The following DIAPH2 variants were observed in gnomAD, a reference collection of about 807,000 sequenced individuals.
The protein encoded by DIAPH2 is protein diaphanous homolog 2.
In DIAPH2, 35 loss-of-function variants were observed where a neutral mutation model predicts 92.7. The ratio of observed to expected loss-of-function variants is 0.38; its 90% confidence interval spans 0.29 to 0.50. The LOEUF (loss-of-function observed/expected upper bound fraction) is 0.50. Among genes scored for constraint, DIAPH2 ranks in the 20% least tolerant of loss-of-function variants. The pLI is 0.94. For missense variants in DIAPH2, 701 were observed against 819.5 expected, an observed-to-expected ratio of 0.86 and a Z score of 1.77; for synonymous variants, 301 against 280.4, an observed-to-expected ratio of 1.07 and a Z score of -0.73.
rs187573119 is a variant in DIAPH2 at position 97,119,893 on chromosome X, T to C, written c.2589+4928T>C. Among the ~76,000 whole-genome samples the C allele has an allele frequency of 1.9e-3, 212 of 111,829 alleles. 2 individuals are homozygous for C. The South Asian group carries it at 0.057, about 30-fold the overall frequency. On this transcript the variant is annotated intron_variant, in intron 21 of 26. Coordinates refer to ENST00000324765, the MANE Select transcript of DIAPH2 (RefSeq NM_006729.5). Reference sequence around the variant, plus strand: ...CAAAGGGCTGGCCCCACTCCCACCATGCCCCCACTAACAGCAACGAGTCTG... The same window carrying C: ...CAAAGGGCTGGCCCCACTCCCACCACGCCCCCACTAACAGCAACGAGTCTG...
intron 4 of DIAPH2, among the ~76,000 whole-genome samples, chrX:96,872,623 C>CTGGGATTACAGAT (rs1182300057): frequency 9.2e-6 from 1 of 108,242 alleles, no homozygotes; most frequent in Non-Finnish European, 1.9e-5. Context: ...TCCCGAGTAT[C>CTGGGATTACAGAT]TGGGATTACA....
At chrX:97,006,480 T>C (rs758118187) in intron 17 of DIAPH2, among the ~76,000 whole-genome samples, 1 of 112,372 alleles carries the variant, frequency 8.9e-6, no homozygotes, top group South Asian at 3.7e-4. Context: ...TGCATATATA[T>C]TTTGAATCGT....
chrX:96,957,807 C>G, intron 15 of DIAPH2, 21 bp from the exon 16 acceptor site: 1 of 1,098,400 alleles, frequency 9.1e-7, no homozygotes, highest in Non-Finnish European at 1.3e-6. Flanking sequence ...AGCATTTAAA[C>G]TTGGATTATT....
intron 22 of DIAPH2, among the ~76,000 whole-genome samples, chrX:97,162,511 C>G (rs1010251450): frequency 2.7e-5 from 3 of 110,809 alleles, no homozygotes; most frequent in African/African-American, 6.6e-5. Flanking sequence ...CATCCCCTCC[C>G]CCTCTCTTCT....
chrX:96,873,238 C>T (rs1017962466), intron 4 of DIAPH2, among the ~76,000 whole-genome samples: 3 of 111,399 alleles, frequency 2.7e-5, no homozygotes, highest in Admixed American at 1.9e-4. Flanking sequence ...TTTTGAGACA[C>T]GTCTACTGAG....
At chrX:97,143,420 TACA>T (rs1047372207) in intron 22 of DIAPH2, among the ~76,000 whole-genome samples, 25 of 110,458 alleles carry the variant, frequency 2.3e-4, no homozygotes, top group African/African-American at 8.2e-4. Flanking sequence ...AATCAATTTT[TACA>T]ACATTTTGGA....
intron 9 of DIAPH2, among the ~76,000 whole-genome samples, chrX:96,928,270 G>A (rs887341219): frequency 6.3e-5 from 7 of 110,879 alleles, no homozygotes; most frequent in African/African-American, 2.0e-4. Context: ...AGATTAGATG[G>A]TGAATTATGT....
At position 97,185,474 on chromosome X, in the gene DIAPH2, CATATATATATATATATAT is replaced by C. The variant is rs1180330581; in HGVS notation, c.2719+43709_2719+43726del. The stretch of plus-strand genomic sequence containing the variant: ...GTGTGTGTATATATATATATATACA[CATATATATATATATATAT>C]ATATATATATATATATATATATATA... On this transcript the variant is annotated intron_variant, in intron 22 of 26. Coordinates refer to ENST00000324765, the MANE Select transcript of DIAPH2 (RefSeq NM_006729.5). 6.0e-3 allele frequency among the ~76,000 whole-genome samples: 63 copies of C among 10,504 alleles called. 2 individuals carry two copies. The highest frequency in any genetic ancestry group is 8.7e-3 in the Non-Finnish European group (54 of 6,214). The allele number at this position is 10,504 out of a possible 115,157, so 9.1% of individuals were successfully genotyped here. A position where few individuals can be genotyped will look rare whatever the true frequency, so the allele number is the denominator to read the frequency against.
chrX:97,136,480 A>T (rs1255694008), intron 21 of DIAPH2, among the ~76,000 whole-genome samples: 1 of 111,747 alleles, frequency 8.9e-6, no homozygotes, highest in Non-Finnish European at 1.9e-5. Context: ...TAGAAATTTG[A>T]ATTTTATTAC....
chrX:97,365,325 CTT>C (rs771314691), intron 24 of DIAPH2, among the ~76,000 whole-genome samples: 7 of 111,923 alleles, frequency 6.3e-5, no homozygotes, highest in Non-Finnish European at 9.4e-5. Flanking sequence ...TGAGCTTAGT[CTT>C]AGCACTCTCT....
chrX:97,121,464 T>G (rs144583159), intron 21 of DIAPH2, among the ~76,000 whole-genome samples: 1,970 of 112,035 alleles, frequency 0.018, 14 homozygotes, highest in Middle Eastern at 0.028. Context: ...CTGCATTATA[T>G]CTCCAGTGTC....
At chrX:97,526,942 C>T (rs2071028462) in intron 26 of DIAPH2, among the ~76,000 whole-genome samples, 1 of 111,239 alleles carries the variant, frequency 9.0e-6, no homozygotes, top group African/African-American at 3.3e-5. Flanking sequence ...CAAAAGCACT[C>T]CTCATTCATT....
At chrX:96,925,095 C>T (rs2065571474) in intron 9 of DIAPH2, among the ~76,000 whole-genome samples, 1 of 110,933 alleles carries the variant, frequency 9.0e-6, no homozygotes, top group African/African-American at 3.3e-5. Context: ...TGGGCAATCG[C>T]ATCTATCCTC....
At chrX:97,075,000 G>C (rs1265624995) in intron 18 of DIAPH2, among the ~76,000 whole-genome samples, 167 bp from the exon 19 acceptor site, 1 of 111,560 alleles carries the variant, frequency 9.0e-6, no homozygotes, top group Admixed American at 9.5e-5. Context: ...TTGTCTAGAT[G>C]GATAGAGTGA....
At chrX:97,557,046 TATGCAAAGGGC>T (rs1487492524) in intron 26 of DIAPH2, among the ~76,000 whole-genome samples, 1 of 111,680 alleles carries the variant, frequency 9.0e-6, no homozygotes. Context: ...TAGTTGTGAG[TATGCAAAGGGC>T]ATTGCAGAGG....
chrX:97,445,802 G>A (rs914367531), intron 26 of DIAPH2, among the ~76,000 whole-genome samples: 1 of 110,162 alleles, frequency 9.1e-6, no homozygotes, highest in African/African-American at 3.3e-5. Context: ...CTACACATTA[G>A]TTGTGGGTAA....
chrX:96,829,984 C>T (rs1357006458), intron 4 of DIAPH2, among the ~76,000 whole-genome samples: 2 of 107,993 alleles, frequency 1.9e-5, no homozygotes, highest in African/African-American at 6.8e-5. Context: ...AACGGAAGTG[C>T]ACTGAAGGGG....
chrX:97,494,804 C>G (rs975620162), intron 26 of DIAPH2, among the ~76,000 whole-genome samples: 1 of 112,373 alleles, frequency 8.9e-6, no homozygotes, highest in Non-Finnish European at 1.9e-5. Flanking sequence ...GAATCCAGCC[C>G]GACCCTGGTG....
intron 25 of DIAPH2, among the ~76,000 whole-genome samples, chrX:97,388,906 C>T (rs1230110270): frequency 9.0e-6 from 1 of 111,555 alleles, no homozygotes; most frequent in Non-Finnish European, 1.9e-5. Flanking sequence ...TCATAAATCT[C>T]TTCACAGTCT....
Sources: allele counts gnomAD v4.1 joint callset (sites outside exome capture counted in the v4.1 genomes callset), GRCh38; gene constraint gnomAD v4.1.1; transcripts MANE v1.5; gene names NCBI Gene and HGNC (gene_info 2026-07-23, HGNC 2026-07-21).